Variants in SH3KBP1 observed in about 807,000 individuals in gnomAD.
The protein encoded by SH3KBP1 is SH3 domain containing kinase binding protein 1.
In SH3KBP1, 8 loss-of-function variants were observed where a neutral mutation model predicts 50.1. The observed-to-expected ratio is 0.16, with a 90% CI of 0.09 to 0.29. The LOEUF (loss-of-function observed/expected upper bound fraction) is 0.29. Among genes scored for constraint, SH3KBP1 ranks in the 10% least tolerant of loss-of-function variants. The pLI, the probability that SH3KBP1 is intolerant of heterozygous loss-of-function variation, is 1.00. For synonymous variants in SH3KBP1, 227 were observed against 218.6 expected, an observed-to-expected ratio of 1.04 and a Z score of -0.34; for missense variants, 377 against 535.2, an observed-to-expected ratio of 0.70 and a Z score of 2.92.
rs768210448 is a variant in SH3KBP1 at position 19,599,326 on chromosome X, G to C, written c.1006-4326C>G. 1.8e-3 allele frequency among the ~76,000 whole-genome samples: 203 copies of C among 112,549 alleles called. 1 individual carries two copies. Among genetic ancestry groups the C allele is most frequent in the African/African-American group, 5.8e-3 (181 of 30,984 alleles). On this transcript the variant is annotated intron_variant, in intron 9 of 17. Coordinates refer to ENST00000397821, the MANE Select transcript of SH3KBP1 (RefSeq NM_031892.3). ...TCCCTTTAATGTTGTGTCACATTTA[G>C]CATGTAGCAGACACATGAAATGTGA...
At chrX:19,548,825 A>AGAGAGAG (rs1555980606) in intron 14 of SH3KBP1, among the ~76,000 whole-genome samples, 5 of 102,428 alleles carry the variant, frequency 4.9e-5, no homozygotes, top group African/African-American at 1.8e-4. Context: ...TATGGAAATA[A>AGAGAGAG]AGAGAGAGAG....
intron 12 of SH3KBP1, among the ~76,000 whole-genome samples, chrX:19,580,372 C>G (rs2066331765): frequency 8.9e-6 from 1 of 111,761 alleles, no homozygotes; most frequent in African/African-American, 3.3e-5. Context: ...CAAGACAAGT[C>G]TACCCACGCT....
intron 16 of SH3KBP1, 114 bp downstream of exon 16, chrX:19,541,811 G>T: frequency 1.2e-6 from 1 of 856,351 alleles, no homozygotes; most frequent in Non-Finnish European, 1.6e-6. Flanking sequence ...CACCATCAAC[G>T]GGGAGACCAG....
intron 7 of SH3KBP1, among the ~76,000 whole-genome samples, chrX:19,633,441 T>C (rs187803425): frequency 1.3e-4 from 15 of 111,837 alleles, no homozygotes; most frequent in African/African-American, 4.9e-4. Flanking sequence ...TACTTAGTAA[T>C]AGCAAACCTC....
At position 19,838,886 on chromosome X, in the gene SH3KBP1, CAAAAAAA is replaced by C. The variant is rs1187740894; in HGVS notation, c.5-2611_5-2605del. On this transcript the variant is annotated intron_variant, in intron 1 of 17. Coordinates refer to ENST00000397821, the MANE Select transcript of SH3KBP1 (RefSeq NM_031892.3). ...TGGGGAAAAGAGCGAAACTTTGTCT[CAAAAAAA>C]AAAAAAAAAAAAAGAAAAAAAGAAA... is the stretch of plus-strand genomic sequence containing the variant. Among the ~76,000 whole-genome samples the C allele has an allele frequency of 9.2e-3, 277 of 30,076 alleles. 1 individual carries two copies. Among genetic ancestry groups the C allele is most frequent in the African/African-American group, 0.026 (260 of 10,122 alleles). The allele number at this position is 30,076 out of a possible 115,157, so 26.1% of individuals were successfully genotyped here. A position where few individuals can be genotyped will look rare whatever the true frequency, so the allele number is the denominator to read the frequency against.
chrX:19,634,036 GTGTGT>G (rs2061640395), intron 7 of SH3KBP1, among the ~76,000 whole-genome samples: 1 of 12,518 alleles, frequency 8.0e-5, no homozygotes, highest in Non-Finnish European at 1.7e-4. Context: ...TCCCTGGTGT[GTGTGT>G]GTGTGTGTGT....
intron 6 of SH3KBP1, among the ~76,000 whole-genome samples, chrX:19,673,510 G>A (rs2062853108): frequency 9.0e-6 from 1 of 111,327 alleles, no homozygotes; most frequent in South Asian, 3.8e-4. Flanking sequence ...CCCAGGCAAC[G>A]GCGATCCAGC....
intron 13 of SH3KBP1, among the ~76,000 whole-genome samples, chrX:19,550,912 A>T (rs1489258940): frequency 1.8e-5 from 2 of 111,303 alleles, no homozygotes; most frequent in Non-Finnish European, 3.8e-5. Flanking sequence ...AGTTTTAATC[A>T]GATATTCTTT....
intron 5 of SH3KBP1, among the ~76,000 whole-genome samples, chrX:19,693,873 T>C (rs1292123823): frequency 1.8e-5 from 2 of 112,184 alleles, no homozygotes; most frequent in Non-Finnish European, 3.8e-5. Flanking sequence ...AGGACACCAA[T>C]ATGTCAAGAC....
At chrX:19,737,353 CCTGGGATGTCAATAAGTGGGTCCCT>C (rs2064618593) in intron 3 of SH3KBP1, among the ~76,000 whole-genome samples, 1 of 111,374 alleles carries the variant, frequency 9.0e-6, no homozygotes, top group East Asian at 2.8e-4. Context: ...TGTTCGTTCG[CCTGGGATGTCAATAAGTGGGTCCCT>C]CTGTAACCTC....
At chrX:19,782,240 T>A (rs990481905) in intron 2 of SH3KBP1, among the ~76,000 whole-genome samples, 3 of 111,219 alleles carry the variant, frequency 2.7e-5, no homozygotes, top group African/African-American at 9.8e-5. Context: ...AGAGGAGTGA[T>A]GCGGCTGGAA....
chrX:19,666,137 AAG>A (rs1213887889), intron 6 of SH3KBP1, among the ~76,000 whole-genome samples: 1 of 109,839 alleles, frequency 9.1e-6, no homozygotes, highest in Non-Finnish European at 1.9e-5. Context: ...AAAAAAAAAA[AAG>A]GACTTTCATT....
chrX:19,576,617 A>AT (rs1037101437), intron 12 of SH3KBP1, among the ~76,000 whole-genome samples: 1 of 111,112 alleles, frequency 9.0e-6, no homozygotes, highest in Non-Finnish European at 1.9e-5. Flanking sequence ...TTTAAAAAAA[A>AT]TTTTTGTAGA....
intron 4 of SH3KBP1, among the ~76,000 whole-genome samples, chrX:19,698,305 T>C (rs2063468075): frequency 8.9e-6 from 1 of 112,045 alleles, no homozygotes. Context: ...CCACTTAGTT[T>C]GAAGATGTCT....
chrX:19,760,522 C>T (rs925341858), intron 2 of SH3KBP1, among the ~76,000 whole-genome samples: 1 of 109,358 alleles, frequency 9.1e-6, no homozygotes, highest in Non-Finnish European at 1.9e-5. Context: ...AAGTGGGCAC[C>T]GAGAATTGGA....
chrX:19,568,801 A>G (rs887509416), intron 13 of SH3KBP1, among the ~76,000 whole-genome samples: 1 of 113,141 alleles, frequency 8.8e-6, no homozygotes, highest in South Asian at 3.6e-4. Flanking sequence ...AAATCACTGG[A>G]AACTGTGAAC....
intron 12 of SH3KBP1, among the ~76,000 whole-genome samples, chrX:19,582,578 TC>T (rs1284939535): frequency 1.8e-5 from 2 of 111,824 alleles, no homozygotes; most frequent in African/African-American, 3.3e-5. Context: ...AGCACCAACC[TC>T]CCCTTTCTGA....
At chrX:19,585,589 C>T (rs1388264395) in intron 12 of SH3KBP1, among the ~76,000 whole-genome samples, 1 of 111,406 alleles carries the variant, frequency 9.0e-6, no homozygotes, top group Admixed American at 9.5e-5. Flanking sequence ...GAAGCACGAG[C>T]AGGCGCTTGA....
At chrX:19,752,075 C>T (rs937672492) in intron 2 of SH3KBP1, among the ~76,000 whole-genome samples, 2 of 112,491 alleles carry the variant, frequency 1.8e-5, no homozygotes, top group Admixed American at 9.4e-5. Flanking sequence ...CAAAATACTA[C>T]ACAGTAAAAT....
Sources: gnomAD v4.1 joint callset for allele counts (sites outside exome capture counted in the v4.1 genomes callset) on GRCh38, gnomAD v4.1.1 for gene constraint, MANE v1.5 for transcripts, NCBI Gene and HGNC (gene_info 2026-07-23, HGNC 2026-07-21) for gene names.